ZFHX3: variants seen among roughly 807,000 people sequenced by gnomAD.
The protein encoded by ZFHX3 is zinc finger homeobox 3, also known as zinc finger homeobox protein 3.
In ZFHX3, 42 loss-of-function variants were observed where a neutral mutation model predicts 279.1. The observed-to-expected ratio is 0.15, with a 90% CI of 0.12 to 0.19. ZFHX3 has a LOEUF of 0.19. Ranked by LOEUF, ZFHX3 falls within the 10% of genes least tolerant of loss-of-function variation. ZFHX3 has a pLI of 1.00. For missense variants in ZFHX3, 4,981 were observed against 4,754.0 expected (o/e 1.05, Z -1.40); for synonymous variants, 2,293 against 1,957.8 (o/e 1.17, Z -4.52).
intron 3 of ZFHX3, among the ~76,000 whole-genome samples, chr16:72,909,492 A>G (rs2039264735): frequency 6.6e-6 from 1 of 152,216 alleles, no homozygotes; most frequent in Non-Finnish European, 1.5e-5. Flanking sequence ...CCTGCTCTCA[A>G]TAAAGGGAAC....
At chr16:73,127,492 C>T in intron 7 of ZFHX3, 1 of 1,305,386 alleles carries the variant, frequency 7.7e-7, no homozygotes, top group Non-Finnish European at 1.0e-6. Context: ...ATCACTGGTC[C>T]CTGGTGATGG....
chr16:73,592,799 T>C (rs1338278454), intron 2 of ZFHX3, among the ~76,000 whole-genome samples: 3 of 151,160 alleles, frequency 2.0e-5, no homozygotes, highest in Non-Finnish European at 4.4e-5. Flanking sequence ...CAAATGGAAA[T>C]TGAAAAAAAC....
intron 1 of ZFHX3, among the ~76,000 whole-genome samples, chr16:73,765,126 T>C (rs1240558833): frequency 6.6e-6 from 1 of 152,182 alleles, no homozygotes; most frequent in African/African-American, 2.4e-5. Context: ...CCTTAAATCC[T>C]AGCCTTGCCC....
chr16:73,635,271 G>C (rs943146257), intron 2 of ZFHX3, among the ~76,000 whole-genome samples: 1 of 152,156 alleles, frequency 6.6e-6, no homozygotes, highest in African/African-American at 2.4e-5. Context: ...ATAGGCACAC[G>C]TTGTATTCTA....
At chr16:73,435,401 G>A (rs2017979904) in intron 3 of ZFHX3, among the ~76,000 whole-genome samples, 2 of 152,092 alleles carry the variant, frequency 1.3e-5, no homozygotes, top group Admixed American at 6.5e-5. Flanking sequence ...GTAAAGATGG[G>A]ATTTTGCCAT....
intron 2 of ZFHX3, among the ~76,000 whole-genome samples, chr16:73,568,171 T>A (rs549411981): frequency 6.6e-6 from 1 of 152,308 alleles, no homozygotes; most frequent in African/African-American, 2.4e-5. Context: ...AGTTACTAAA[T>A]TCCTTTACGT....
chr16:73,650,746 G>T (rs2052662743), intron 2 of ZFHX3, among the ~76,000 whole-genome samples: 1 of 152,126 alleles, frequency 6.6e-6, no homozygotes, highest in Non-Finnish European at 1.5e-5. Context: ...TGGTCTTGAA[G>T]GTACTTCTCT....
chr16:73,861,912 G>T (rs1373638885), intron 1 of ZFHX3, among the ~76,000 whole-genome samples: 18 of 152,176 alleles, frequency 1.2e-4, no homozygotes, highest in Admixed American at 1.2e-3. Context: ...TTCAAAATGT[G>T]TCATTTGTTT....
intron 5 of ZFHX3, among the ~76,000 whole-genome samples, chr16:73,168,210 G>GTTTTCTTTCTTTCT (rs1567408112): frequency 5.5e-5 from 5 of 90,906 alleles, no homozygotes; most frequent in African/African-American, 2.1e-4. Flanking sequence ...AGTTTCTTTT[G>GTTTTCTTTCTTTCT]TTTTCTTTCT....
At chr16:72,905,101 A>G (rs1301939835) in intron 3 of ZFHX3, among the ~76,000 whole-genome samples, 1 of 152,038 alleles carries the variant, frequency 6.6e-6, no homozygotes, top group African/African-American at 2.4e-5. Context: ...AGGCCTCCCA[A>G]AGTGCTGGGA....
intron 1 of ZFHX3, among the ~76,000 whole-genome samples, chr16:73,843,661 C>T (rs1207879541): frequency 6.6e-6 from 1 of 152,320 alleles, no homozygotes; most frequent in Admixed American, 6.5e-5. Context: ...GCCTTCAATC[C>T]CCGCTTCTCA....
intron 2 of ZFHX3, among the ~76,000 whole-genome samples, chr16:73,521,496 G>A (rs2019607630): frequency 6.6e-6 from 1 of 152,102 alleles, no homozygotes; most frequent in Non-Finnish European, 1.5e-5. Context: ...GACAGGGCGG[G>A]CAGGGTAGGA....
intron 3 of ZFHX3, among the ~76,000 whole-genome samples, chr16:72,907,734 T>C (rs1432361790): frequency 2.0e-5 from 3 of 151,404 alleles, no homozygotes; most frequent in East Asian, 3.9e-4. Flanking sequence ...TGGAGTTCAG[T>C]GGCAGGTGGC....
chr16:73,217,362 T>C (rs1344580471), intron 5 of ZFHX3, among the ~76,000 whole-genome samples: 6 of 152,144 alleles, frequency 3.9e-5, no homozygotes, highest in African/African-American at 1.4e-4. Flanking sequence ...TCCTTTGAAA[T>C]TCAACACAAG....
chr16:73,724,408 A>T (rs1328381234), intron 1 of ZFHX3, among the ~76,000 whole-genome samples: 1 of 152,206 alleles, frequency 6.6e-6, no homozygotes, highest in African/African-American at 2.4e-5. Flanking sequence ...TAACTGGGAG[A>T]TATTTTTTTA....
intron 5 of ZFHX3, among the ~76,000 whole-genome samples, chr16:73,248,845 A>G (rs1175840373): frequency 2.0e-5 from 3 of 152,184 alleles, no homozygotes; most frequent in Non-Finnish European, 4.4e-5. Context: ...TTATTCCAAA[A>G]GACTGAGCAG....
At chr16:72,924,109 A>G (rs1959305110) in intron 3 of ZFHX3, among the ~76,000 whole-genome samples, 1 of 152,184 alleles carries the variant, frequency 6.6e-6, no homozygotes, top group Admixed American at 6.5e-5. Context: ...ATTAACATCA[A>G]GGAGAGGCTC....
intron 4 of ZFHX3, among the ~76,000 whole-genome samples, chr16:72,839,658 T>C (rs2037294721): frequency 2.0e-5 from 3 of 151,820 alleles, no homozygotes; most frequent in Non-Finnish European, 4.4e-5. Flanking sequence ...CTGGAGTTGA[T>C]AGAAGAAGGT....
chr16:73,013,790 T>TA (rs1466687534), intron 1 of ZFHX3, among the ~76,000 whole-genome samples: 1 of 152,154 alleles, frequency 6.6e-6, no homozygotes, highest in African/African-American at 2.4e-5. Context: ...GGTTTAGCTT[T>TA]GCCCTCCTGA....
Sources: gnomAD v4.1 joint callset for allele counts (sites outside exome capture counted in the v4.1 genomes callset) on GRCh38, gnomAD v4.1.1 for gene constraint, MANE v1.5 for transcripts, NCBI Gene and HGNC (gene_info 2026-07-23, HGNC 2026-07-21) for gene names.